FRMD5: variants seen among roughly 807,000 people sequenced by gnomAD.
FRMD5 encodes FERM domain-containing protein 5.
In FRMD5, 20 loss-of-function variants were observed where a neutral mutation model predicts 69.0. That is an observed-to-expected ratio of 0.29 (90% CI 0.20 to 0.42). FRMD5 has a LOEUF of 0.42. Ranked by LOEUF, FRMD5 falls within the 10% of genes least tolerant of loss-of-function variation. The pLI is 1.00. For missense variants in FRMD5, 595 were observed against 708.6 expected (o/e 0.84, Z 1.82); for synonymous variants, 271 against 260.1 (o/e 1.04, Z -0.40).
At chr15:44,154,589 T>C (rs1337931382) in intron 1 of FRMD5, among the ~76,000 whole-genome samples, 2 of 152,234 alleles carry the variant, frequency 1.3e-5, no homozygotes, top group African/African-American at 4.8e-5. Context: ...TAGATACTTT[T>C]AATCAAGCTT....
intron 8 of FRMD5, among the ~76,000 whole-genome samples, chr15:43,890,777 A>G (rs1415894543): frequency 6.6e-6 from 1 of 152,118 alleles, no homozygotes; most frequent in Admixed American, 6.5e-5. Flanking sequence ...TGGGGAGTCG[A>G]GTTTCCTGTC....
rs575405338 is a variant in FRMD5 at position 43,940,969 on chromosome 15, T to A, written c.103-16660A>T. On this transcript the variant is annotated intron_variant, in intron 1 of 13. Coordinates refer to ENST00000417257, the MANE Select transcript of FRMD5 (RefSeq NM_032892.5). Reference sequence around the variant, plus strand: ...TAGATCAGCCATTGCATTGATTTCTTTTTAGAGCACACTGTTTTGGCAAAC... The same window carrying A: ...TAGATCAGCCATTGCATTGATTTCTATTTAGAGCACACTGTTTTGGCAAAC... 3.3e-5 allele frequency among the ~76,000 whole-genome samples: 5 copies of A among 152,352 alleles called. No individual in the cohort carries two copies. In the South Asian group the frequency reaches 1.0e-3, roughly 32 times the overall value.
intron 1 of FRMD5, among the ~76,000 whole-genome samples, chr15:44,167,980 T>C (rs2077738280): frequency 6.6e-6 from 1 of 152,256 alleles, no homozygotes; most frequent in Non-Finnish European, 1.5e-5. Flanking sequence ...TGTTCTGTTC[T>C]AAGATACACT....
intron 1 of FRMD5, among the ~76,000 whole-genome samples, chr15:43,954,822 A>G (rs1595556443): frequency 6.6e-6 from 1 of 152,196 alleles, no homozygotes; most frequent in East Asian, 1.9e-4. Flanking sequence ...AGTGATATAA[A>G]GTGCTACAGT....
At chr15:44,019,196 T>C (rs1039946474) in intron 1 of FRMD5, among the ~76,000 whole-genome samples, 1 of 152,156 alleles carries the variant, frequency 6.6e-6, no homozygotes, top group African/African-American at 2.4e-5. Flanking sequence ...GCCTGGCTGA[T>C]GTGGGCATAT....
chr15:43,949,043 C>G (rs78441664), intron 1 of FRMD5, among the ~76,000 whole-genome samples: 2,082 of 152,346 alleles, frequency 0.014, 57 homozygotes, highest in African/African-American at 0.048. Flanking sequence ...TTCTGCTTCA[C>G]AGACATACAG....
intron 1 of FRMD5, among the ~76,000 whole-genome samples, chr15:43,960,871 T>C (rs547168073): frequency 3.3e-5 from 5 of 152,022 alleles, no homozygotes; most frequent in African/African-American, 7.3e-5. Context: ...AGTAGACAAA[T>C]TGAAGTCTAA....
intron 1 of FRMD5, among the ~76,000 whole-genome samples, chr15:44,079,491 G>A (rs1468665240): frequency 1.3e-5 from 2 of 152,068 alleles, no homozygotes; most frequent in African/African-American, 4.8e-5. Context: ...GAGCCAAGGA[G>A]TTCAAGGCCA....
At chr15:43,894,847 T>TTAA (rs1212361713) in intron 7 of FRMD5, among the ~76,000 whole-genome samples, 2 of 152,218 alleles carry the variant, frequency 1.3e-5, no homozygotes, top group Non-Finnish European at 2.9e-5. Context: ...GGCCAGGTCC[T>TTAA]TAATTTCTCC....
chr15:44,168,816 G>A (rs2077752747), intron 1 of FRMD5, among the ~76,000 whole-genome samples: 1 of 152,120 alleles, frequency 6.6e-6, no homozygotes, highest in Non-Finnish European at 1.5e-5. Context: ...TCTCTCCGAG[G>A]TGCTGATCTT....
intron 1 of FRMD5, among the ~76,000 whole-genome samples, chr15:44,068,594 G>A (rs1027414121): frequency 6.6e-6 from 1 of 152,102 alleles, no homozygotes; most frequent in Admixed American, 6.6e-5. Context: ...TGAGGGAATG[G>A]GAAAATGGGA....
chr15:43,896,102 T>C (rs946754593), intron 7 of FRMD5, among the ~76,000 whole-genome samples: 1 of 152,192 alleles, frequency 6.6e-6, no homozygotes, highest in African/African-American at 2.4e-5. Flanking sequence ...GACTGAGCCA[T>C]TAATGGAGTC....
chr15:44,124,360 A>G (rs961110880), intron 1 of FRMD5, among the ~76,000 whole-genome samples: 2 of 152,064 alleles, frequency 1.3e-5, no homozygotes, highest in African/African-American at 4.8e-5. Flanking sequence ...CCTCAAAATA[A>G]AAGAAGGAAG....
At chr15:44,090,318 C>A (rs2076452845) in intron 1 of FRMD5, among the ~76,000 whole-genome samples, 1 of 151,970 alleles carries the variant, frequency 6.6e-6, no homozygotes, top group African/African-American at 2.4e-5. Flanking sequence ...TTAGATGTCC[C>A]AATTGATTTG....
intron 1 of FRMD5, among the ~76,000 whole-genome samples, chr15:44,150,304 A>G (rs1471528946): frequency 1.3e-5 from 2 of 152,200 alleles, no homozygotes; most frequent in East Asian, 3.8e-4. Flanking sequence ...AGTTCTTAGC[A>G]AAGAGATTAT....
chr15:44,025,241 T>C lies in FRMD5; in HGVS notation c.103-100932A>G, dbSNP rs775349954. Among the ~76,000 whole-genome samples the C allele has an allele frequency of 7.2e-5, 11 of 152,154 alleles. No homozygotes were observed. The South Asian group carries it at 1.0e-3, about 14-fold the overall frequency. On this transcript the variant is annotated intron_variant, in intron 1 of 13. Coordinates refer to ENST00000417257, the MANE Select transcript of FRMD5 (RefSeq NM_032892.5). Reference sequence around the variant, plus strand: ...AACAAAATATCATTAAAACTCCCTATGAAAAAAATAATTAAATGCTATTGG... The same window carrying C: ...AACAAAATATCATTAAAACTCCCTACGAAAAAAATAATTAAATGCTATTGG...
upstream of FRMD5, among the ~76,000 whole-genome samples, chr15:44,197,093 G>C (rs2078315693): frequency 6.6e-6 from 1 of 151,966 alleles, no homozygotes; most frequent in Non-Finnish European, 1.5e-5. Context: ...CCCAGCTACT[G>C]GGGAGGCTGA....
intron 1 of FRMD5, among the ~76,000 whole-genome samples, chr15:43,997,156 T>C (rs1391997266): frequency 6.6e-6 from 1 of 152,184 alleles, no homozygotes; most frequent in Non-Finnish European, 1.5e-5. Context: ...AGAATGCTGC[T>C]AGCACCAGAA....
intron 1 of FRMD5, among the ~76,000 whole-genome samples, chr15:44,021,298 GT>G (rs1437811336): frequency 3.2e-4 from 48 of 152,188 alleles, no homozygotes; most frequent in Non-Finnish European, 2.2e-4. Context: ...ATATATGTAA[GT>G]TTTTAGTTCA....
Sources: gnomAD v4.1 joint callset for allele counts (sites outside exome capture counted in the v4.1 genomes callset) on GRCh38, gnomAD v4.1.1 for gene constraint, MANE v1.5 for transcripts, NCBI Gene and HGNC (gene_info 2026-07-23, HGNC 2026-07-21) for gene names.